The following UBAC2 variants were observed in gnomAD, a reference collection of about 807,000 sequenced individuals.
UBAC2 encodes ubiquitin-associated domain-containing protein 2.
UBAC2 carries 26 observed loss-of-function variants against 44.0 expected under a neutral mutation model. The ratio of observed to expected loss-of-function variants is 0.59; its 90% confidence interval spans 0.43 to 0.82. The LOEUF is 0.82. Ranked by LOEUF, UBAC2 falls within the 40% of genes least tolerant of loss-of-function variation. The pLI is 0.00. For synonymous variants in UBAC2, 155 were observed against 154.3 expected, an observed-to-expected ratio of 1.00 and a Z score of -0.04; for missense variants, 329 against 419.4, an observed-to-expected ratio of 0.78 and a Z score of 1.88.
chr13:99,231,947 G>A (rs1379736189), intron 1 of UBAC2, among the ~76,000 whole-genome samples: 1 of 152,164 alleles, frequency 6.6e-6, no homozygotes, highest in Non-Finnish European at 1.5e-5. Context: ...AATGATCTAT[G>A]TACTGAAGAG....
chr13:99,335,801 T>A (rs951287379), intron 6 of UBAC2, among the ~76,000 whole-genome samples: 4 of 152,190 alleles, frequency 2.6e-5, no homozygotes, highest in Non-Finnish European at 4.4e-5. Flanking sequence ...TACTTGGTGT[T>A]GCCACATTGC....
chr13:99,265,072 G>T (rs2043724249), intron 4 of UBAC2, among the ~76,000 whole-genome samples: 1 of 151,670 alleles, frequency 6.6e-6, no homozygotes, highest in South Asian at 2.1e-4. Flanking sequence ...AACCTTTAGA[G>T]GAAGACGTGT....
At chr13:99,272,189 G>A (rs1199269009) in intron 4 of UBAC2, among the ~76,000 whole-genome samples, 1 of 152,132 alleles carries the variant, frequency 6.6e-6, no homozygotes, top group Non-Finnish European at 1.5e-5. Context: ...AACTCCAGGG[G>A]CTTGTATCTA....
chr13:99,270,152 G>A (rs1220715707), intron 4 of UBAC2, among the ~76,000 whole-genome samples: 47 of 152,168 alleles, frequency 3.1e-4, no homozygotes, highest in Admixed American at 3.0e-3. Flanking sequence ...GCTCAGCTCA[G>A]CACAGTTCCA....
chr13:99,385,082 G>C, intron 8 of UBAC2, 146 bp from the exon 9 acceptor site: 1 of 627,782 alleles, frequency 1.6e-6, no homozygotes, highest in Non-Finnish European at 2.8e-6. Flanking sequence ...TAACTTTTAA[G>C]TATCAGATTC....
At chr13:99,319,361 CATA>C (rs2044539053) in intron 6 of UBAC2, among the ~76,000 whole-genome samples, 1 of 152,300 alleles carries the variant, frequency 6.6e-6, no homozygotes, top group South Asian at 2.1e-4. Flanking sequence ...AGAATGGATT[CATA>C]ATAATACACA....
intron 1 of UBAC2, among the ~76,000 whole-genome samples, chr13:99,212,326 T>G (rs1443435556): frequency 1.8e-4 from 27 of 152,230 alleles, no homozygotes; most frequent in Admixed American, 1.8e-3. Flanking sequence ...CTCATTTAAA[T>G]TATGAGTGTA....
At chr13:99,251,984 C>G (rs1397598252) in intron 4 of UBAC2, among the ~76,000 whole-genome samples, 1 of 152,210 alleles carries the variant, frequency 6.6e-6, no homozygotes, top group South Asian at 2.1e-4. Context: ...TGGCCTTGAA[C>G]TCCTAAGCTC....
chr13:99,238,489 C>T lies in UBAC2; in HGVS notation c.94C>T (p.Leu32Phe). ...CAGTGCCCTCTCCCTCCTGCTCGCC[C>T]TCCTCCTGCCTCACTGCCAGAAGCT... ...VPSALSLLLALLLPHCQKLFV... is the reference protein window; with the variant it reads ...VPSALSLLLAFLLPHCQKLFV... The change falls in exon 2 of 9, where the codon CTC becomes TTC. Residue 32 changes from leucine (L) to phenylalanine (F), a missense_variant. Transcript: ENST00000403766. The T allele has an allele frequency of 1.2e-6, 2 of 1,613,964 alleles. No individual in the cohort carries two copies. The highest frequency in any genetic ancestry group is 2.2e-5 in the East Asian group (1 of 44,892).
At chr13:99,329,200 G>A (rs2044680493) in intron 6 of UBAC2, among the ~76,000 whole-genome samples, 1 of 152,098 alleles carries the variant, frequency 6.6e-6, no homozygotes, top group Admixed American at 6.6e-5. Flanking sequence ...ACAGCTTTAT[G>A]GTAAGTCTTG....
At chr13:99,308,734 T>A (rs1428041195) in intron 4 of UBAC2, 1 of 152,216 alleles carries the variant, frequency 6.6e-6, no homozygotes, top group Non-Finnish European at 1.5e-5. Context: ...GGAGGAACAT[T>A]GTCAGACACA....
chr13:99,272,752 C>T (rs927950948), intron 4 of UBAC2, among the ~76,000 whole-genome samples: 3 of 152,162 alleles, frequency 2.0e-5, no homozygotes, highest in African/African-American at 4.8e-5. Flanking sequence ...ACCTAATTGC[C>T]TCCCAAAGGT....
At position 99,238,172 on chromosome 13, in the gene UBAC2, C is replaced by T. The variant is rs76439338; in HGVS notation, c.32-255C>T. On this transcript the variant is annotated intron_variant, in intron 1 of 8. Coordinates refer to ENST00000403766, the MANE Select transcript of UBAC2 (RefSeq NM_001144072.2). ...GAAAGGTGTTCTATGGAAGTTCTGG[C>T]TGTAAACTTGGTCTCATTTAAGAGC... Among the ~76,000 whole-genome samples the T allele has an allele frequency of 9.1e-3, 1,392 of 152,304 alleles. 19 individuals carry two copies. The highest frequency in any genetic ancestry group is 0.031 in the African/African-American group (1,307 of 41,568).
At chr13:99,366,696 G>A (rs2045335673) in intron 7 of UBAC2, among the ~76,000 whole-genome samples, 1 of 151,978 alleles carries the variant, frequency 6.6e-6, no homozygotes, top group South Asian at 2.1e-4. Context: ...AGATAATTGA[G>A]CTCAAAATTG....
rs952095238 is a variant in UBAC2, at chr13:99,367,665, G to A, written c.808-122G>A. 1.4e-5 allele frequency: 19 copies of A among 1,330,996 alleles called. No homozygotes were observed. In the East Asian group the frequency reaches 2.5e-4, roughly 18 times the overall value. 82.4% of individuals were successfully genotyped at this position (1,330,996 alleles called of 1,614,324 possible). A position where few individuals can be genotyped will look rare whatever the true frequency, so the allele number is the denominator to read the frequency against. On this transcript the variant is annotated intron_variant, in intron 7 of 8. Coordinates refer to ENST00000403766, the MANE Select transcript of UBAC2 (RefSeq NM_001144072.2). The stretch of plus-strand genomic sequence containing the variant: ...TGAATTTGAATTGCTTGCATAGAGC[G>A]GATCAATATGATACTTCCTTCCCAG...
intron 8 of UBAC2, among the ~76,000 whole-genome samples, chr13:99,378,618 G>T (rs2045512345): frequency 6.6e-6 from 1 of 152,214 alleles, no homozygotes; most frequent in African/African-American, 2.4e-5. Context: ...TAGGAGGTCA[G>T]GCATCATTTT....
At position 99,235,349 on chromosome 13, in the gene UBAC2, A is replaced by G. The variant is rs116779152; in HGVS notation, c.32-3078A>G. On this transcript the variant is annotated intron_variant, in intron 1 of 8. Transcript: ENST00000403766. ...AAGAATCAGTATTGTTAAAATGGCA[A>G]TACTACCCAAAGCAATTTACAGATT... Among the ~76,000 whole-genome samples the G allele has an allele frequency of 5.4e-3, 819 of 152,348 alleles. 11 individuals carry two copies. The highest frequency in any genetic ancestry group is 0.018 in the African/African-American group (766 of 41,576).
chr13:99,266,303 AT>A (rs1787908635), intron 4 of UBAC2, among the ~76,000 whole-genome samples: 1 of 152,192 alleles, frequency 6.6e-6, no homozygotes, highest in South Asian at 2.1e-4. Flanking sequence ...CCTTGGCCAC[AT>A]TGGGAGAACT....
chr13:99,284,358 A>G (rs972030824), intron 4 of UBAC2, among the ~76,000 whole-genome samples: 1 of 152,240 alleles, frequency 6.6e-6, no homozygotes, highest in Non-Finnish European at 1.5e-5. Flanking sequence ...GTTTCTTTTC[A>G]GTAGCTACCA....
Sources: allele counts gnomAD v4.1 joint callset (sites outside exome capture counted in the v4.1 genomes callset), GRCh38; gene constraint gnomAD v4.1.1; transcripts MANE v1.5; gene names NCBI Gene and HGNC (gene_info 2026-07-23, HGNC 2026-07-21).